Variants in PDE4B observed in about 807,000 individuals in gnomAD.
PDE4B encodes the protein phosphodiesterase 4B, also known as 3',5'-cyclic-AMP phosphodiesterase 4B.
A neutral mutation model predicts 82.2 loss-of-function variants in PDE4B; 20 were observed. The ratio of observed to expected loss-of-function variants is 0.24; its 90% CI spans 0.17 to 0.35. The LOEUF (loss-of-function observed/expected upper bound fraction) is 0.35. Among genes scored for constraint, PDE4B ranks in the 10% least tolerant of loss-of-function variants. The pLI is 1.00. For missense variants in PDE4B, 655 were observed against 907.2 expected (o/e 0.72, Z 3.57); for synonymous variants, 320 against 318.9 (o/e 1.00, Z -0.04).
chr1:66,077,073 G>A (rs529589761), intron 3 of PDE4B, among the ~76,000 whole-genome samples: 16 of 151,980 alleles, frequency 1.1e-4, no homozygotes, highest in African/African-American at 3.4e-4. Flanking sequence ...AGGACTTAGC[G>A]TAAATTCTTT....
chr1:65,904,705 C>T (rs1647008941), intron 1 of PDE4B, among the ~76,000 whole-genome samples: 1 of 152,126 alleles, frequency 6.6e-6, no homozygotes, highest in Non-Finnish European at 1.5e-5. Flanking sequence ...TGGTTAATTT[C>T]ATGAGCTCTG....
At chr1:66,350,805 A>C (rs1458515958) in intron 8 of PDE4B, among the ~76,000 whole-genome samples, 1 of 152,186 alleles carries the variant, frequency 6.6e-6, no homozygotes, top group African/African-American at 2.4e-5. Context: ...GAAGTGTCCT[A>C]TCACTTCAGA....
chr1:66,043,594 G>T (rs1031558031), intron 3 of PDE4B, among the ~76,000 whole-genome samples: 1 of 151,732 alleles, frequency 6.6e-6, no homozygotes, highest in Admixed American at 6.6e-5. Context: ...GGACCCTGGA[G>T]ATCTTTTATT....
chr1:65,908,323 T>C (rs568301046), intron 1 of PDE4B, among the ~76,000 whole-genome samples: 5 of 152,224 alleles, frequency 3.3e-5, no homozygotes, highest in African/African-American at 9.6e-5. Flanking sequence ...TAGTTTGCGA[T>C]GTAGTCTGCA....
At chr1:66,216,116 T>C (rs1027521203) in intron 3 of PDE4B, among the ~76,000 whole-genome samples, 2 of 152,016 alleles carry the variant, frequency 1.3e-5, no homozygotes, top group Admixed American at 6.6e-5. Context: ...AGATATTTGG[T>C]TAAACATTAT....
intron 1 of PDE4B, among the ~76,000 whole-genome samples, chr1:65,891,095 T>G (rs1646848223): frequency 6.6e-6 from 1 of 152,086 alleles, no homozygotes; most frequent in South Asian, 2.1e-4. Context: ...CAATGTCCAG[T>G]GTGTGATTAG....
intron 1 of PDE4B, among the ~76,000 whole-genome samples, chr1:65,896,497 A>G (rs548857959): frequency 3.3e-5 from 5 of 152,308 alleles, no homozygotes; most frequent in African/African-American, 1.2e-4. Flanking sequence ...ATACACACAC[A>G]GTCTGTGTAA....
chr1:65,989,507 A>G (rs530219924), intron 3 of PDE4B, among the ~76,000 whole-genome samples: 2 of 152,172 alleles, frequency 1.3e-5, no homozygotes, highest in Non-Finnish European at 2.9e-5. Flanking sequence ...AAAATAAAAT[A>G]AAATGTAATT....
At chr1:66,118,181 G>T (rs527934801) in intron 3 of PDE4B, among the ~76,000 whole-genome samples, 1 of 152,110 alleles carries the variant, frequency 6.6e-6, no homozygotes, top group South Asian at 2.1e-4. Flanking sequence ...TTGTAATCTA[G>T]AACTAGAAAT....
intron 3 of PDE4B, among the ~76,000 whole-genome samples, chr1:66,099,081 G>A (rs538485205): frequency 6.6e-6 from 1 of 152,072 alleles, no homozygotes; most frequent in South Asian, 2.1e-4. Flanking sequence ...TTGTTACATA[G>A]GTAAACGTGT....
intron 3 of PDE4B, among the ~76,000 whole-genome samples, chr1:65,952,956 C>G (rs942709378): frequency 1.3e-5 from 2 of 152,106 alleles, no homozygotes; most frequent in African/African-American, 4.8e-5. Context: ...TCATAGCCCC[C>G]TATCTGCAGT....
At chr1:66,298,325 C>T (rs964294239) in intron 7 of PDE4B, among the ~76,000 whole-genome samples, 1 of 152,020 alleles carries the variant, frequency 6.6e-6, no homozygotes, top group Non-Finnish European at 1.5e-5. Flanking sequence ...AGGAAGCTTG[C>T]CTGACTACCT....
chr1:66,023,878 T>G (rs1653285246), intron 3 of PDE4B, among the ~76,000 whole-genome samples: 1 of 152,138 alleles, frequency 6.6e-6, no homozygotes, highest in African/African-American at 2.4e-5. Flanking sequence ...ATTATTTTGT[T>G]TCTTATATTA....
At chr1:65,929,346 A>G (rs1647700315) in intron 3 of PDE4B, among the ~76,000 whole-genome samples, 1 of 152,194 alleles carries the variant, frequency 6.6e-6, no homozygotes, top group Non-Finnish European at 1.5e-5. Context: ...AAAAAGATTC[A>G]TCAGAGTTTA....
intron 3 of PDE4B, among the ~76,000 whole-genome samples, chr1:66,190,855 T>A (rs1220237697): frequency 6.6e-6 from 1 of 152,012 alleles, no homozygotes; most frequent in African/African-American, 2.4e-5. Context: ...CTGTACCCAG[T>A]GTCCAACACT....
At chr1:66,355,465 C>T in intron 8 of PDE4B, 62 bp from the exon 9 acceptor site, 1 of 1,075,202 alleles carries the variant, frequency 9.3e-7, no homozygotes, top group Non-Finnish European at 1.4e-6. Context: ...AAGTTGGAAA[C>T]ATTTAAAATG....
intron 3 of PDE4B, among the ~76,000 whole-genome samples, chr1:66,014,519 T>C (rs561936602): frequency 2.0e-5 from 3 of 152,230 alleles, no homozygotes; most frequent in Middle Eastern, 6.8e-3. Context: ...CCAGTATCTT[T>C]TGCAGTATGT....
intron 3 of PDE4B, among the ~76,000 whole-genome samples, chr1:66,124,905 G>A (rs922834355): frequency 1.0e-5 from 1 of 100,416 alleles, no homozygotes; most frequent in Non-Finnish European, 2.0e-5. Context: ...TGAACGAGCT[G>A]TGTGTGTGTA....
chr1:66,211,485 T>C (rs527943400), intron 3 of PDE4B, among the ~76,000 whole-genome samples: 1 of 152,230 alleles, frequency 6.6e-6, no homozygotes, highest in Non-Finnish European at 1.5e-5. Context: ...TTCCTGCCTA[T>C]AGATTAATTA....
Sources: gnomAD v4.1 joint callset for allele counts (sites outside exome capture counted in the v4.1 genomes callset) on GRCh38, gnomAD v4.1.1 for gene constraint, MANE v1.5 for transcripts, NCBI Gene and HGNC (gene_info 2026-07-23, HGNC 2026-07-21) for gene names.